The following MPP7 variants were observed in gnomAD, a reference collection of about 807,000 sequenced individuals.
MPP7 encodes MAGUK p55 subfamily member 7.
Under a neutral mutation model 76.5 loss-of-function variants are expected in MPP7, and 60 were observed. The observed-to-expected ratio is 0.78, with a 90% CI of 0.64 to 0.97. MPP7 has a LOEUF of 0.97. Among genes scored for constraint, MPP7 ranks in the 50% least tolerant of loss-of-function variants. The pLI, the probability that MPP7 is intolerant of heterozygous loss-of-function variation, is 0.00. For missense variants in MPP7, 641 were observed against 694.0 expected (o/e 0.92, Z 0.86); for synonymous variants, 237 against 244.5 (o/e 0.97, Z 0.29).
chr10:28,276,134 G>A (rs7101006), intron 1 of MPP7, among the ~76,000 whole-genome samples: 22,110 of 150,344 alleles, frequency 0.15, 1,774 homozygotes, highest in South Asian at 0.19. Flanking sequence ...GGGTTCAAGC[G>A]ATTCTCCTGC....
At chr10:28,267,703 G>C (rs948272714) in intron 1 of MPP7, among the ~76,000 whole-genome samples, 4 of 152,060 alleles carry the variant, frequency 2.6e-5, no homozygotes, top group African/African-American at 9.7e-5. Context: ...TGTATAAAAT[G>C]TGATCAACAT....
chr10:28,265,402 T>C (rs1193662802), intron 1 of MPP7, among the ~76,000 whole-genome samples: 1 of 151,952 alleles, frequency 6.6e-6, no homozygotes, highest in Non-Finnish European at 1.5e-5. Flanking sequence ...CCACAAAAAA[T>C]GCAAAACTTA....
chr10:28,173,421 G>A (rs1836753605), intron 3 of MPP7, among the ~76,000 whole-genome samples: 1 of 152,072 alleles, frequency 6.6e-6, no homozygotes, highest in Admixed American at 6.6e-5. Flanking sequence ...AATAAAATTG[G>A]CATTATTAAC....
chr10:28,327,814 T>G (rs1305993941), intron 2 of MPP7, among the ~76,000 whole-genome samples: 2 of 152,160 alleles, frequency 1.3e-5, no homozygotes, highest in Non-Finnish European at 2.9e-5. Context: ...GTGCACTGAT[T>G]GTGTCATTCA....
intron 11 of MPP7, among the ~76,000 whole-genome samples, chr10:28,093,597 C>T (rs1035728268): frequency 1.3e-5 from 2 of 152,038 alleles, no homozygotes; most frequent in Non-Finnish European, 2.9e-5. Flanking sequence ...CAGACGCCTG[C>T]CACCACACCT....
At chr10:28,316,999 G>A (rs786398) in intron 2 of MPP7, among the ~76,000 whole-genome samples, 101,751 of 152,048 alleles carry the variant, frequency 0.67, 36,407 homozygotes, top group East Asian at 0.97. Flanking sequence ...ACGCATGTAT[G>A]TAAGTGATCA....
chr10:28,275,194 G>A (rs1213259218), intron 1 of MPP7, among the ~76,000 whole-genome samples: 3 of 152,082 alleles, frequency 2.0e-5, no homozygotes, highest in Non-Finnish European at 4.4e-5. Flanking sequence ...TTCACTTAAT[G>A]TGTAGGCATC....
At chr10:28,192,267 T>C (rs1329811246) in intron 3 of MPP7, among the ~76,000 whole-genome samples, 1 of 152,148 alleles carries the variant, frequency 6.6e-6, no homozygotes, top group East Asian at 1.9e-4. Context: ...TTCAACACTA[T>C]ATGAGAATTC....
chr10:28,104,175 A>C (rs750422730), intron 11 of MPP7, among the ~76,000 whole-genome samples: 1 of 152,164 alleles, frequency 6.6e-6, no homozygotes, highest in Non-Finnish European at 1.5e-5. Flanking sequence ...TAGCAAAGAA[A>C]AAGTTAAGAC....
intron 2 of MPP7, among the ~76,000 whole-genome samples, chr10:28,204,673 T>C (rs553483067): frequency 4.3e-4 from 65 of 152,282 alleles, no homozygotes; most frequent in African/African-American, 1.5e-3. Flanking sequence ...AATAAAATGC[T>C]AACATAAAAA....
intron 12 of MPP7, among the ~76,000 whole-genome samples, chr10:28,085,078 A>G (rs1201394163): frequency 6.6e-6 from 1 of 152,218 alleles, no homozygotes; most frequent in Non-Finnish European, 1.5e-5. Flanking sequence ...CAGTCCTTTA[A>G]TCAAGGAGAT....
At chr10:28,226,884 T>C (rs1838710818) in intron 2 of MPP7, among the ~76,000 whole-genome samples, 1 of 152,268 alleles carries the variant, frequency 6.6e-6, no homozygotes, top group South Asian at 2.1e-4. Flanking sequence ...AATTCCTATA[T>C]GAAAGGACTT....
intron 1 of MPP7, among the ~76,000 whole-genome samples, chr10:28,275,468 G>A (rs921370241): frequency 1.1e-4 from 16 of 149,146 alleles, no homozygotes; most frequent in Admixed American, 4.0e-4. Context: ...GTGCAATGGC[G>A]CAATCTCCGT....
intron 12 of MPP7, among the ~76,000 whole-genome samples, chr10:28,085,097 A>C (rs966359635): frequency 6.6e-6 from 1 of 152,206 alleles, no homozygotes; most frequent in Non-Finnish European, 1.5e-5. Flanking sequence ...ATTTTTTAAA[A>C]AGTAAGATAT....
intron 12 of MPP7, among the ~76,000 whole-genome samples, chr10:28,075,562 C>T (rs534171085): frequency 7.0e-4 from 106 of 152,232 alleles, no homozygotes; most frequent in African/African-American, 1.6e-3. Context: ...TTGCACTGTA[C>T]GCTGCAGCGC....
rs752121033 is a variant in MPP7, at chr10:28,200,241, GGTCA to G, written c.156+1908_156+1911del. On this transcript the variant is annotated intron_variant, in intron 3 of 16. Transcript: ENST00000683449. ...TACATACTTGAAAACGAATAGAATGGGTCAGTCAAAGGACACACTTGAGGTCTGT... is the reference window on the plus strand; with the variant it reads ...TACATACTTGAAAACGAATAGAATGGGTCAAAGGACACACTTGAGGTCTGT... Among the ~76,000 whole-genome samples, 6 of 152,122 alleles carry G rather than the reference GGTCA, an allele frequency of 3.9e-5. No homozygotes were observed. In the East Asian group the frequency reaches 7.7e-4, roughly 20 times the overall value.
At chr10:28,273,616 C>CT (rs1242059872) in intron 1 of MPP7, among the ~76,000 whole-genome samples, 1 of 152,192 alleles carries the variant, frequency 6.6e-6, no homozygotes, top group Admixed American at 6.5e-5. Flanking sequence ...CATTCAGAGA[C>CT]TATAAAAGCA....
intron 1 of MPP7, among the ~76,000 whole-genome samples, chr10:28,281,560 TAGC>T (rs1408573775): frequency 2.0e-5 from 3 of 152,132 alleles, no homozygotes; most frequent in African/African-American, 4.8e-5. Context: ...ATTGACCAGA[TAGC>T]AGAGACAGAA....
chr10:28,122,237 A>G lies in MPP7; in HGVS notation c.616-1569T>C, dbSNP rs984077829. ...TTTTAAATGGATCTATGGTCCTTAC[A>G]ACAGTGTCATTTAATAAGGACTCAA... On this transcript the variant is annotated intron_variant, in intron 8 of 16. Transcript: ENST00000683449. Among the ~76,000 whole-genome samples the G allele has an allele frequency of 5.3e-5, 8 of 152,214 alleles. No homozygotes were observed. The South Asian group carries it at 1.7e-3, about 32-fold the overall frequency.
Sources: gnomAD v4.1 joint callset for allele counts (sites outside exome capture counted in the v4.1 genomes callset) on GRCh38, gnomAD v4.1.1 for gene constraint, MANE v1.5 for transcripts, NCBI Gene and HGNC (gene_info 2026-07-23, HGNC 2026-07-21) for gene names.